Variants in COLQ observed in about 807,000 individuals in gnomAD.
COLQ encodes the protein collagen like tail subunit of asymmetric acetylcholinesterase.
COLQ carries 48 observed loss-of-function variants against 69.0 expected under a neutral mutation model. The ratio of observed to expected loss-of-function variants is 0.70; its 90% confidence interval spans 0.55 to 0.88. COLQ has a LOEUF of 0.88. COLQ is among the 40% of genes least tolerant of loss of function. The pLI is 0.00. For missense variants in COLQ, 618 were observed against 594.6 expected, an observed-to-expected ratio of 1.04 and a Z score of -0.41; for synonymous variants, 217 against 211.2, an observed-to-expected ratio of 1.03 and a Z score of -0.24.
At chr3:15,491,199 A>C (rs1488558680) in intron 1 of COLQ, among the ~76,000 whole-genome samples, 1 of 152,232 alleles carries the variant, frequency 6.6e-6, no homozygotes, top group African/African-American at 2.4e-5. Flanking sequence ...AGAAGAAAAA[A>C]AAAGAAAAGT....
chr3:15,479,448 C>G lies in COLQ; in HGVS notation c.322-66G>C. The G allele has an allele frequency of 4.1e-6, 6 of 1,457,508 alleles. No individual in the cohort carries two copies. The South Asian group carries it at 6.8e-5, about 17-fold the overall frequency. 90.3% of individuals were successfully genotyped at this position (1,457,508 alleles called of 1,614,324 possible). On this transcript the variant is annotated intron_variant, in intron 3 of 16. Coordinates refer to ENST00000383788, the MANE Select transcript of COLQ (RefSeq NM_005677.4). ...TCTGAAGCTGGATGGGTGTGAGGCTCTTGGTGCACTGGGCTCCTACAGCAG... is the reference window on the plus strand; with the variant it reads ...TCTGAAGCTGGATGGGTGTGAGGCTGTTGGTGCACTGGGCTCCTACAGCAG...
intron 1 of COLQ, among the ~76,000 whole-genome samples, chr3:15,520,660 G>A (rs1053944901): frequency 5.3e-5 from 8 of 152,178 alleles, no homozygotes; most frequent in East Asian, 1.9e-4. Context: ...CAAGCCCTCC[G>A]GAAACATTTG....
chr3:15,516,090 G>C (rs1220586623), intron 1 of COLQ, among the ~76,000 whole-genome samples: 2 of 152,190 alleles, frequency 1.3e-5, no homozygotes, highest in Non-Finnish European at 1.5e-5. Flanking sequence ...CAGAGGCTTG[G>C]GATGGGGTTG....
intron 1 of COLQ, among the ~76,000 whole-genome samples, chr3:15,502,970 T>G (rs2062852897): frequency 6.6e-6 from 1 of 152,182 alleles, no homozygotes; most frequent in African/African-American, 2.4e-5. Context: ...AAAATGACTC[T>G]TGGAGAAGTT....
chr3:15,509,015 T>C (rs1042738812), intron 1 of COLQ, among the ~76,000 whole-genome samples: 7 of 151,922 alleles, frequency 4.6e-5, no homozygotes, highest in African/African-American at 1.5e-4. Flanking sequence ...ACATACATAA[T>C]AACTATAAGA....
rs73033051 is a variant in COLQ, at chr3:15,521,671, C to G, written c.-46G>C. On this transcript the variant is annotated 5_prime_UTR_variant, in exon 1 of 17. Coordinates refer to ENST00000383788, the MANE Select transcript of COLQ (RefSeq NM_005677.4). ...GGTCAAGTTAGAAAGGAGGCTGCTG[C>G]GGAGCCTTGCTTATCTCTGCTTTTC... The G allele has an allele frequency of 6.2e-7, 1 of 1,611,638 alleles. No homozygotes were observed. The highest frequency in any genetic ancestry group is 8.5e-7 in the Non-Finnish European group (1 of 1,179,204).
At position 15,468,255 on chromosome 3, in the gene COLQ, C is replaced by T. The variant is rs1322913049; in HGVS notation, c.718-1818G>A. Among the ~76,000 whole-genome samples the T allele has an allele frequency of 7.1e-5, 10 of 141,824 alleles. No homozygotes were observed. In the Admixed American group the frequency reaches 7.1e-4, roughly 10 times the overall value. 93.0% of individuals were successfully genotyped at this position (141,824 alleles called of 152,430 possible). A position where few individuals can be genotyped will look rare whatever the true frequency, so the allele number is the denominator to read the frequency against. The stretch of plus-strand genomic sequence containing the variant: ...AGTAGAGCTTTCCAGGAAAGGCATT[C>T]TTTATTCCTTATTTGCCACAAAGTT... On this transcript the variant is annotated intron_variant, in intron 11 of 16. Transcript: ENST00000383788.
At position 15,456,508 on chromosome 3, in the gene COLQ, G is replaced by C. The variant is rs758554049; in HGVS notation, c.1026C>G (p.Asp342Glu). ...TGTCCTTGAAGTACAGAGATCTCTG[G>C]TCTCTGCGGAAGGCAATGGCGTTTT... Reference protein sequence around the residue: ...NTQNAIAFRRDQRSLYFKDSL... With the variant: ...NTQNAIAFRREQRSLYFKDSL... Residue 342 changes from aspartate to glutamate, a missense_variant, in exon 14 of 17, where the codon GAC becomes GAG. Transcript: ENST00000383788. The C allele has an allele frequency of 3.7e-6, 6 of 1,614,066 alleles. No homozygotes were observed. The highest frequency in any genetic ancestry group is 1.6e-4 in the Middle Eastern group (1 of 6,084).
chr3:15,480,541 A>G (rs1410854594), intron 3 of COLQ, among the ~76,000 whole-genome samples: 1 of 152,176 alleles, frequency 6.6e-6, no homozygotes, highest in African/African-American at 2.4e-5. Flanking sequence ...ATAGTATTCC[A>G]TGGTGTATAT....
intron 7 of COLQ, chr3:15,475,185 C>G: frequency 1.5e-6 from 1 of 654,512 alleles, no homozygotes; most frequent in Non-Finnish European, 2.7e-6. Flanking sequence ...AGGTTTCCAT[C>G]TGCTCTGATG....
chr3:15,499,042 G>A (rs1237630886), intron 1 of COLQ, among the ~76,000 whole-genome samples: 2 of 151,074 alleles, frequency 1.3e-5, no homozygotes, highest in South Asian at 2.1e-4. Context: ...GACCGTCCAA[G>A]GGGAGCCTGC....
intron 3 of COLQ, among the ~76,000 whole-genome samples, chr3:15,479,809 AG>A (rs1365888570): frequency 2.0e-5 from 3 of 152,204 alleles, no homozygotes; most frequent in African/African-American, 7.2e-5. Flanking sequence ...AGACAAGTTA[AG>A]TTTTGCACAT....
intron 16 of COLQ, among the ~76,000 whole-genome samples, chr3:15,453,403 T>C (rs567333712): frequency 2.9e-4 from 44 of 152,282 alleles, no homozygotes; most frequent in Admixed American, 2.2e-3. Context: ...GGGCAGGGTG[T>C]TCCAGGGAAG....
intron 3 of COLQ, among the ~76,000 whole-genome samples, chr3:15,481,346 T>A (rs139994060): frequency 7.2e-4 from 110 of 152,342 alleles, no homozygotes; most frequent in African/African-American, 2.4e-3. Flanking sequence ...GGTCTAACAT[T>A]TAAGTATTTA....
intron 1 of COLQ, among the ~76,000 whole-genome samples, chr3:15,494,738 T>C (rs754625753): frequency 6.6e-6 from 1 of 152,140 alleles, no homozygotes; most frequent in Non-Finnish European, 1.5e-5. Flanking sequence ...GTTTCCTCCA[T>C]GGGGAAAAAC....
At chr3:15,517,699 A>G (rs1393332837) in intron 1 of COLQ, among the ~76,000 whole-genome samples, 2 of 152,228 alleles carry the variant, frequency 1.3e-5, no homozygotes, top group Non-Finnish European at 2.9e-5. Flanking sequence ...TTACCCACCA[A>G]TGGTTAACGC....
intron 11 of COLQ, among the ~76,000 whole-genome samples, chr3:15,468,907 A>G (rs1346206767): frequency 6.6e-6 from 1 of 152,182 alleles, no homozygotes; most frequent in African/African-American, 2.4e-5. Context: ...TTACTATCTG[A>G]AATTCCTTCT....
intron 1 of COLQ, among the ~76,000 whole-genome samples, chr3:15,520,344 A>G (rs1479105715): frequency 6.6e-6 from 1 of 152,124 alleles, no homozygotes; most frequent in African/African-American, 2.4e-5. Context: ...CACTTTTATA[A>G]TTAGCCTCAC....
intron 3 of COLQ, among the ~76,000 whole-genome samples, chr3:15,486,647 T>A (rs1455345606): frequency 6.6e-6 from 1 of 152,162 alleles, no homozygotes; most frequent in South Asian, 2.1e-4. Context: ...CCTCCGAGGA[T>A]TCTCATCTTG....
Sources: gnomAD v4.1 joint callset for allele counts (sites outside exome capture counted in the v4.1 genomes callset) on GRCh38, gnomAD v4.1.1 for gene constraint, MANE v1.5 for transcripts, NCBI Gene and HGNC (gene_info 2026-07-23, HGNC 2026-07-21) for gene names.